IQCH: variants seen among roughly 807,000 people sequenced by gnomAD.
The protein encoded by IQCH is IQ domain-containing protein H.
In IQCH, 98 loss-of-function variants were observed where a neutral mutation model predicts 117.0. That is an observed-to-expected ratio of 0.84 (90% confidence interval 0.71 to 0.99). The LOEUF is 0.99. Among genes scored for constraint, IQCH ranks in the 50% least tolerant of loss-of-function variants. The pLI is 0.00. For missense variants in IQCH, 1,102 were observed against 1,243.8 expected (o/e 0.89, Z 1.72); for synonymous variants, 412 against 448.2 (o/e 0.92, Z 1.02).
rs2081488420 is a variant in IQCH at position 67,413,071 on chromosome 15, G to GT, written c.2098-3859dup. The stretch of plus-strand genomic sequence containing the variant: ...TTGGAGTGTTTGTCTGTTATGGAAG[G>GT]TGTGTGTGTGTGTGTGTGTGTGTGT... On this transcript the variant is annotated intron_variant, in intron 14 of 20. Transcript: ENST00000335894. The surrounding 1 kb of genome is among the most constrained non-coding windows in gnomAD (Gnocchi z 5.0). 1.5e-5 allele frequency among the ~76,000 whole-genome samples: 1 copy of GT among 66,150 alleles called. No homozygotes were observed. The allele number at this position is 66,150 out of a possible 152,430, so 43.4% of individuals were successfully genotyped here.
chr15:67,347,614 A>T (rs896145473), intron 6 of IQCH, among the ~76,000 whole-genome samples: 1 of 151,714 alleles, frequency 6.6e-6, no homozygotes, highest in African/African-American at 2.4e-5. Flanking sequence ...AATATTATCA[A>T]TGTTGCAGAA....
At position 67,372,500 on chromosome 15, in the gene IQCH, A is replaced by G. The variant is rs1970578147; in HGVS notation, c.1143A>G (p.Lys381=). ...CCATGAAGATCCAAGCCACATGGAA[A>G]TGCTACAAAGCAAGAAAATTCTTCC... ...EAAMKIQATW[K]CYKARKFFLF... Residue 381 remains lysine (K), a synonymous_variant, in exon 9 of 21, where the codon AAA becomes AAG. Coordinates refer to ENST00000335894, the MANE Select transcript of IQCH (RefSeq NM_001031715.3). 1.2e-6 allele frequency: 2 copies of G among 1,614,090 alleles called. No homozygotes were observed. The highest frequency in any genetic ancestry group is 1.7e-6 in the Non-Finnish European group (2 of 1,179,994).
chr15:67,310,115 A>G (rs980519295), intron 4 of IQCH, among the ~76,000 whole-genome samples: 6 of 79,014 alleles, frequency 7.6e-5, no homozygotes, highest in Non-Finnish European at 2.0e-4. Context: ...TTTAATGTTC[A>G]TTTTCAAATT....
Position 67,436,889 on chromosome 15 carries a change from G to A in IQCH, c.2505+15312G>A, listed in dbSNP as rs138452201. ...CTCACCCTCATCCCCCACAACAGCTGCAGCAAGATCTGCCCAAGGGGAGTC... is the reference window on the plus strand; with the variant it reads ...CTCACCCTCATCCCCCACAACAGCTACAGCAAGATCTGCCCAAGGGGAGTC... On this transcript the variant is annotated intron_variant, in intron 16 of 20. Transcript: ENST00000335894. This position sits in a 1 kb window ranked among gnomAD's most constrained non-coding sequence, Gnocchi z 5.1. Among the ~76,000 whole-genome samples the A allele has an allele frequency of 8.0e-4, 121 of 152,106 alleles. No homozygotes were observed. The highest frequency in any genetic ancestry group is 2.7e-3 in the African/African-American group (111 of 41,480).
At chr15:67,350,356 G>T (rs1164180133) in intron 6 of IQCH, among the ~76,000 whole-genome samples, 2 of 152,192 alleles carry the variant, frequency 1.3e-5, no homozygotes, top group African/African-American at 4.8e-5. Context: ...GTTGCCTGGG[G>T]ATGGGGAGAG....
chr15:67,286,984 C>T (rs1370947124), intron 4 of IQCH, among the ~76,000 whole-genome samples: 2 of 152,048 alleles, frequency 1.3e-5, no homozygotes, highest in Admixed American at 6.6e-5. Context: ...TCTTGTGAAA[C>T]GTTGTTGAAT....
At chr15:67,347,940 C>T (rs1036987140) in intron 6 of IQCH, among the ~76,000 whole-genome samples, 12 of 148,284 alleles carry the variant, frequency 8.1e-5, no homozygotes, top group South Asian at 6.4e-4. Flanking sequence ...ACATCATGAC[C>T]ATGTGGGGTT....
chr15:67,333,575 T>C (rs548195233), intron 4 of IQCH, among the ~76,000 whole-genome samples: 1 of 152,310 alleles, frequency 6.6e-6, no homozygotes, highest in African/African-American at 2.4e-5. Context: ...TTGTCTTTTG[T>C]ATTTCTACAC....
rs1018394310 is a variant in IQCH, at chr15:67,385,246, C to G, written c.1456+227C>G. On this transcript the variant is annotated intron_variant, in intron 11 of 20. Coordinates refer to ENST00000335894, the MANE Select transcript of IQCH (RefSeq NM_001031715.3). The surrounding 1 kb of genome is among the most constrained non-coding windows in gnomAD (Gnocchi z 4.6). Reference sequence around the variant, plus strand: ...TGACATTTTAACCAATTTACTTGGGCAGTTTTCTAGATTATCTTTGCTGCA... The same window carrying G: ...TGACATTTTAACCAATTTACTTGGGGAGTTTTCTAGATTATCTTTGCTGCA... Among the ~76,000 whole-genome samples, 7 of 152,092 alleles carry G rather than the reference C, an allele frequency of 4.6e-5. No homozygotes were observed. The highest frequency in any genetic ancestry group is 3.9e-4 in the Admixed American group (6 of 15,268).
At position 67,491,394 on chromosome 15, in the gene IQCH, G is replaced by C. The variant is rs1278752257; in HGVS notation, c.2861+1330G>C. The stretch of plus-strand genomic sequence containing the variant: ...ACCCTCATCGATCCTTTTGAACTTA[G>C]GCAAATGTTCTGGTTTCTTCTCCCT... On this transcript the variant is annotated intron_variant, in intron 19 of 20. Coordinates refer to ENST00000335894, the MANE Select transcript of IQCH (RefSeq NM_001031715.3). The surrounding 1 kb of genome is among the most constrained non-coding windows in gnomAD (Gnocchi z 4.9). 6.6e-6 allele frequency among the ~76,000 whole-genome samples: 1 copy of C among 152,070 alleles called. No individual in the cohort carries two copies. The highest frequency in any genetic ancestry group is 1.5e-5 in the Non-Finnish European group (1 of 68,022).
chr15:67,358,050 G>A (rs893079779), intron 7 of IQCH, among the ~76,000 whole-genome samples: 1 of 150,790 alleles, frequency 6.6e-6, no homozygotes, highest in African/African-American at 2.4e-5. Flanking sequence ...GTAGAGACGG[G>A]GTTTCACCAT....
At chr15:67,346,322 A>G (rs1055156299) in intron 6 of IQCH, among the ~76,000 whole-genome samples, 3 of 151,852 alleles carry the variant, frequency 2.0e-5, no homozygotes, top group African/African-American at 2.4e-5. Context: ...CCCCCCCCCA[A>G]AAAAATACTA....
At position 67,426,889 on chromosome 15, in the gene IQCH, G is replaced by A. The variant is rs1180523786; in HGVS notation, c.2505+5312G>A. ...TGATTCCAGCTATTTGAGAGGCTGA[G>A]GTAGGAGGATTGCTTGGGCCCGGGA... On this transcript the variant is annotated intron_variant, in intron 16 of 20. Transcript: ENST00000335894. The surrounding 1 kb of genome is among the most constrained non-coding windows in gnomAD (Gnocchi z 5.1). Among the ~76,000 whole-genome samples the A allele has an allele frequency of 6.6e-6, 1 of 151,948 alleles. No homozygotes were observed. The highest frequency in any genetic ancestry group is 1.5e-5 in the Non-Finnish European group (1 of 68,008).
chr15:67,321,734 G>C (rs959994179), intron 4 of IQCH, among the ~76,000 whole-genome samples: 2 of 152,054 alleles, frequency 1.3e-5, no homozygotes, highest in African/African-American at 2.4e-5. Flanking sequence ...GTTTTCTCCA[G>C]GTTATTGAAT....
chr15:67,289,971 T>C (rs74859455), intron 4 of IQCH, among the ~76,000 whole-genome samples: 2 of 152,254 alleles, frequency 1.3e-5, no homozygotes, highest in East Asian at 3.9e-4. Context: ...TTTTGGCCAT[T>C]TGACATCACG....
rs1195295753 is a variant in IQCH at position 67,453,666 on chromosome 15, G to A, written c.2506-11461G>A. On this transcript the variant is annotated intron_variant, in intron 16 of 20. Coordinates refer to ENST00000335894, the MANE Select transcript of IQCH (RefSeq NM_001031715.3). The surrounding 1 kb of genome is among the most constrained non-coding windows in gnomAD (Gnocchi z 5.8). Reference sequence around the variant, plus strand: ...GGGTGCCTCCCAGTTAGGCTACTCAGGGGTCAGGGACCCACTTGAGGAGGC... The same window carrying A: ...GGGTGCCTCCCAGTTAGGCTACTCAAGGGTCAGGGACCCACTTGAGGAGGC... Among the ~76,000 whole-genome samples the A allele has an allele frequency of 1.3e-5, 2 of 152,206 alleles. No homozygotes were observed.
Position 67,263,140 on chromosome 15 carries a change from T to G in IQCH, c.193T>G (p.Leu65Val). ...GTAACAGATTCACATTGAGAAGTAT[T>G]TAAATGTTGTAAACCAGAATGTATT... ...VGLRIHIEKY[L>V]NVVNQNVLTT... The change falls in exon 3 of 21, where the codon TTA becomes GTA. Residue 65 changes from leucine to valine, a missense_variant. Leu to Val is a conservative substitution (Grantham distance 32). This residue lies in a region of IQCH where 452 missense variants were observed against 449.6 expected (regional missense o/e 1.01). Transcript: ENST00000335894. 6.5e-7 allele frequency: 1 copy of G among 1,536,020 alleles called. No homozygotes were observed. The highest frequency in any genetic ancestry group is 9.0e-7 in the Non-Finnish European group (1 of 1,109,222).
intron 12 of IQCH, among the ~76,000 whole-genome samples, chr15:67,394,153 C>T (rs1403275905): frequency 6.6e-6 from 1 of 152,104 alleles, no homozygotes; most frequent in Non-Finnish European, 1.5e-5. Flanking sequence ...TTTATTCTAT[C>T]CTTAGGTAAT....
rs1413910239 is a variant in IQCH, at chr15:67,432,317, C to T, written c.2505+10740C>T. 1.3e-5 allele frequency among the ~76,000 whole-genome samples: 2 copies of T among 151,980 alleles called. No individual in the cohort carries two copies. The highest frequency in any genetic ancestry group is 4.8e-5 in the African/African-American group (2 of 41,368). On this transcript the variant is annotated intron_variant, in intron 16 of 20. Coordinates refer to ENST00000335894, the MANE Select transcript of IQCH (RefSeq NM_001031715.3). The surrounding 1 kb of genome is among the most constrained non-coding windows in gnomAD (Gnocchi z 5.0). ...GCCCTGATATATACCGCAGTATATCCCATAAAGTCTGAAAACGATTTTTAA... is the reference window on the plus strand; with the variant it reads ...GCCCTGATATATACCGCAGTATATCTCATAAAGTCTGAAAACGATTTTTAA...
Sources: allele counts gnomAD v4.1 joint callset (sites outside exome capture counted in the v4.1 genomes callset), GRCh38; gene constraint gnomAD v4.1.1; regional missense constraint gnomAD v4.1.1; non-coding constraint Gnocchi (gnomAD v3.1); transcripts MANE v1.5; gene names NCBI Gene and HGNC (gene_info 2026-07-23, HGNC 2026-07-21).